The following KIFC3 variants were observed in gnomAD, a reference collection of about 807,000 sequenced individuals.
KIFC3 encodes the protein kinesin family member C3.
Under a neutral mutation model 101.8 loss-of-function variants are expected in KIFC3, and 60 were observed. The ratio of observed to expected loss-of-function variants is 0.59; its 90% CI spans 0.48 to 0.73. The LOEUF (loss-of-function observed/expected upper bound fraction) is 0.73. Among genes scored for constraint, KIFC3 ranks in the 30% least tolerant of loss-of-function variants. KIFC3 has a pLI of 0.00. For missense variants in KIFC3, 966 were observed against 1,137.1 expected (o/e 0.85, Z 2.16); for synonymous variants, 476 against 482.7 (o/e 0.99, Z 0.18).
chr16:57,849,770 G>T (rs920549727), intron 1 of KIFC3, among the ~76,000 whole-genome samples: 28 of 152,252 alleles, frequency 1.8e-4, no homozygotes, highest in African/African-American at 6.7e-4. Context: ...GGGTGTGGTG[G>T]TGTGTGCCTG....
chr16:57,804,056 G>A (rs1224469678), upstream of KIFC3, among the ~76,000 whole-genome samples: 2 of 152,014 alleles, frequency 1.3e-5, no homozygotes, highest in African/African-American at 4.8e-5. Context: ...TCTTACTCAG[G>A]GATTGAGTAC....
chr16:57,803,230 G>A (rs1327913830), upstream of KIFC3: 2 of 707,598 alleles, frequency 2.8e-6, no homozygotes, highest in African/African-American at 1.7e-5. Flanking sequence ...CCCTGCTACT[G>A]GGGCACCTAG....
chr16:57,759,244 G>A, intron 18 of KIFC3, 91 bp from the exon 19 acceptor site: 3 of 1,431,604 alleles, frequency 2.1e-6, no homozygotes, highest in South Asian at 1.2e-5. Flanking sequence ...TTGGACTCAA[G>A]GATGGGCCAG....
At chr16:57,857,588 TC>T (rs1403828167) in intron 1 of KIFC3, among the ~76,000 whole-genome samples, 1 of 151,720 alleles carries the variant, frequency 6.6e-6, no homozygotes, top group Non-Finnish European at 1.5e-5. Flanking sequence ...GACGTTCCCC[TC>T]CCTGTGTCTA....
intron 3 of KIFC3, chr16:57,788,769 C>A: frequency 7.8e-7 from 1 of 1,278,652 alleles, no homozygotes. Context: ...GGGAAGGACC[C>A]TCGAGCCAGA....
intron 1 of KIFC3, among the ~76,000 whole-genome samples, chr16:57,847,448 G>A (rs2055956216): frequency 6.6e-6 from 1 of 152,032 alleles, no homozygotes; most frequent in African/African-American, 2.4e-5. Flanking sequence ...AAGTAATTTT[G>A]AAAAAATTGT....
At chr16:57,767,132 CCT>C in intron 9 of KIFC3, 147 bp from the exon 10 acceptor site, 1 of 634,430 alleles carries the variant, frequency 1.6e-6, no homozygotes, top group Non-Finnish European at 2.8e-6. Context: ...CCCAATCACC[CCT>C]CTGGGTAGGT....
intron 1 of KIFC3, among the ~76,000 whole-genome samples, chr16:57,861,618 A>G (rs1337135005): frequency 2.0e-5 from 3 of 152,126 alleles, no homozygotes; most frequent in African/African-American, 7.2e-5. Context: ...AATTTGCACC[A>G]TGGTACTGGG....
chr16:57,761,619 G>T, intron 13 of KIFC3, 83 bp from the exon 14 acceptor site: 1 of 1,524,136 alleles, frequency 6.6e-7, no homozygotes, highest in Non-Finnish European at 8.9e-7. Flanking sequence ...AGCCAGGAAT[G>T]TTCCCCCAAC....
intron 11 of KIFC3, among the ~76,000 whole-genome samples, chr16:57,764,933 G>C (rs2050300298): frequency 6.6e-6 from 1 of 151,600 alleles, no homozygotes; most frequent in African/African-American, 2.4e-5. Flanking sequence ...CAGATGGGAG[G>C]AGCCACAGCA....
chr16:57,810,809 C>A, intron 1 of KIFC3: 2 of 510,306 alleles, frequency 3.9e-6, no homozygotes, highest in Non-Finnish European at 5.1e-6. Context: ...TCCCATTGTA[C>A]AGATGGAGAG....
At chr16:57,766,802 C>T in intron 10 of KIFC3, 72 bp downstream of exon 10, 1 of 1,001,224 alleles carries the variant, frequency 1.0e-6, no homozygotes, top group Non-Finnish European at 1.5e-6. Flanking sequence ...GTGGGGTGAG[C>T]TCCAAGCATG....
rs781864193 is a variant in KIFC3, at chr16:57,760,313, A to G, written c.2336T>C (p.Leu779Pro). 5.0e-6 allele frequency: 8 copies of G among 1,613,610 alleles called. No individual in the cohort carries two copies. In the African/African-American group the frequency reaches 1.1e-4, roughly 22 times the overall value. Residue 779 changes from leucine to proline, a missense_variant, in exon 17 of 20, where the codon CTT (leucine) becomes CCT (proline). Physicochemically the swap from Leu to Pro is moderately conservative, Grantham distance 98. Around this residue, in one of 2 missense-constraint regions of KIFC3, gnomAD observed 689 missense variants for 884.6 expected, o/e 0.78. Transcript: ENST00000445690. ...ATGCTCCTGGCTTGACCAGGACCCA[A>G]GCTCTGCCCTGCGTAGCCCAGGCCC... The part of the protein sequence containing the change: ...ELGPGLRRAE[L>P]GSWSSQEHLE...
chr16:57,785,761 T>TA (rs1285170730), intron 3 of KIFC3: 2 of 730,380 alleles, frequency 2.7e-6, no homozygotes, highest in Non-Finnish European at 3.7e-6. Context: ...CCAGGGATGA[T>TA]AGAGGTGCAA....
At position 57,771,536 on chromosome 16, in the gene KIFC3, T is replaced by A. The variant is rs887539846; in HGVS notation, c.525+7A>T. On this transcript the variant is annotated splice_region_variant and intron_variant, in intron 5 of 19. Coordinates refer to ENST00000445690, the MANE Select transcript of KIFC3 (RefSeq NM_001130100.2). Reference sequence around the variant, plus strand: ...ACCAGCATGGGGACCACGGCCATTCTGCTCACCTGGCTGTGCTCACAACCT... The same window carrying A: ...ACCAGCATGGGGACCACGGCCATTCAGCTCACCTGGCTGTGCTCACAACCT... 6.2e-7 allele frequency: 1 copy of A among 1,612,374 alleles called. No homozygotes were observed. The highest frequency in any genetic ancestry group is 1.3e-5 in the African/African-American group (1 of 75,058).
chr16:57,764,571 T>C (rs373216160), intron 11 of KIFC3, among the ~76,000 whole-genome samples: 2 of 152,224 alleles, frequency 1.3e-5, no homozygotes, highest in Admixed American at 6.5e-5. Context: ...GGCCTGGGCC[T>C]GCCTGCCAGC....
intron 2 of KIFC3, chr16:57,797,729 C>T (rs2054451584): frequency 1.7e-6 from 2 of 1,198,806 alleles, no homozygotes; most frequent in African/African-American, 3.3e-5. Flanking sequence ...TGGGCAGAGA[C>T]CGGAGCTAGC....
chr16:57,764,662 G>C (rs2050252335), intron 11 of KIFC3, among the ~76,000 whole-genome samples: 1 of 152,234 alleles, frequency 6.6e-6, no homozygotes, highest in Non-Finnish European at 1.5e-5. Flanking sequence ...GGTTGGTCTG[G>C]GCAGAGATAA....
chr16:57,795,687 G>T (rs1212453372), intron 2 of KIFC3, among the ~76,000 whole-genome samples: 2 of 152,070 alleles, frequency 1.3e-5, no homozygotes, highest in African/African-American at 4.8e-5. Flanking sequence ...ATGGGAGAGA[G>T]GGCGGGCTGT....
Sources: allele counts gnomAD v4.1 joint callset (sites outside exome capture counted in the v4.1 genomes callset), GRCh38; gene constraint gnomAD v4.1.1; regional missense constraint gnomAD v4.1.1; transcripts MANE v1.5; gene names NCBI Gene and HGNC (gene_info 2026-07-23, HGNC 2026-07-21).